Variants in TPST1 observed in about 807,000 individuals in gnomAD.
TPST1 encodes tyrosylprotein sulfotransferase 1.
In TPST1, 20 loss-of-function variants were observed where a neutral mutation model predicts 34.8. That is an observed-to-expected ratio of 0.57 (90% CI 0.40 to 0.84). The LOEUF is 0.84. TPST1 is among the 40% of genes least tolerant of loss of function. The pLI, the probability that TPST1 is intolerant of heterozygous loss-of-function variation, is 0.00. For missense variants in TPST1, 353 were observed against 455.5 expected (o/e 0.78, Z 2.05); for synonymous variants, 152 against 159.4 (o/e 0.95, Z 0.35).
chr7:66,315,584 A>G (rs997939331), intron 3 of TPST1, among the ~76,000 whole-genome samples: 10 of 152,200 alleles, frequency 6.6e-5, no homozygotes, highest in Non-Finnish European at 1.5e-4. Context: ...ACTAGCTAAG[A>G]TTTTATTAAT....
intron 3 of TPST1, among the ~76,000 whole-genome samples, chr7:66,304,783 A>G (rs1228947543): frequency 6.6e-6 from 1 of 151,880 alleles, no homozygotes; most frequent in Non-Finnish European, 1.5e-5. Flanking sequence ...TTGATATCCT[A>G]AAACTTACAT....
At chr7:66,338,165 C>T (rs1432042105) in intron 3 of TPST1, among the ~76,000 whole-genome samples, 1 of 151,530 alleles carries the variant, frequency 6.6e-6, no homozygotes, top group African/African-American at 2.4e-5. Flanking sequence ...CAAATGGAAA[C>T]CAAAAAAGAG....
intron 2 of TPST1, among the ~76,000 whole-genome samples, chr7:66,244,175 G>A (rs1231473997): frequency 2.0e-5 from 3 of 151,756 alleles, no homozygotes; most frequent in South Asian, 2.1e-4. Flanking sequence ...GGATGGTCTC[G>A]ATCTCCTGAC....
chr7:66,235,038 A>G (rs909946453), intron 1 of TPST1, among the ~76,000 whole-genome samples: 1 of 152,098 alleles, frequency 6.6e-6, no homozygotes, highest in Non-Finnish European at 1.5e-5. Context: ...TTATTGTATA[A>G]TAGGATCGAC....
intron 2 of TPST1, among the ~76,000 whole-genome samples, chr7:66,256,258 CTTCTAT>C (rs899555182): frequency 2.6e-5 from 4 of 152,122 alleles, no homozygotes; most frequent in Non-Finnish European, 5.9e-5. Flanking sequence ...AAGAATTTCT[CTTCTAT>C]TTCTAGTTCA....
chr7:66,305,181 G>A (rs930691125), intron 3 of TPST1, among the ~76,000 whole-genome samples: 35 of 152,148 alleles, frequency 2.3e-4, no homozygotes, highest in African/African-American at 8.0e-4. Flanking sequence ...AAAAGAATTC[G>A]TTAATATATT....
At chr7:66,272,721 G>C (rs1584196136) in intron 2 of TPST1, among the ~76,000 whole-genome samples, 1 of 151,814 alleles carries the variant, frequency 6.6e-6, no homozygotes, top group African/African-American at 2.4e-5. Flanking sequence ...CAAGTAGCTG[G>C]GACTACAGGC....
intron 3 of TPST1, among the ~76,000 whole-genome samples, chr7:66,350,267 C>T (rs2161064): frequency 0.13 from 19,857 of 152,094 alleles, 1,718 homozygotes; most frequent in South Asian, 0.2. Flanking sequence ...TGCCCGCCTT[C>T]GCCTCCCAAA....
At chr7:66,323,500 T>C (rs1252963319) in intron 3 of TPST1, among the ~76,000 whole-genome samples, 1 of 152,260 alleles carries the variant, frequency 6.6e-6, no homozygotes, top group Admixed American at 6.5e-5. Context: ...TTTATTATTA[T>C]GTATTACACT....
chr7:66,278,434 C>T (rs1199696334), intron 2 of TPST1, among the ~76,000 whole-genome samples: 1 of 152,036 alleles, frequency 6.6e-6, no homozygotes, highest in Non-Finnish European at 1.5e-5. Flanking sequence ...TATTAGACTT[C>T]TGAGTGAAGA....
chr7:66,237,653 C>A (rs1400323703), intron 1 of TPST1, among the ~76,000 whole-genome samples: 1 of 152,074 alleles, frequency 6.6e-6, no homozygotes, highest in Non-Finnish European at 1.5e-5. Flanking sequence ...GGCTGCTTTG[C>A]TAGTGGGTTG....
intron 3 of TPST1, among the ~76,000 whole-genome samples, chr7:66,315,557 G>T (rs1347209366): frequency 6.6e-6 from 1 of 152,172 alleles, no homozygotes; most frequent in Non-Finnish European, 1.5e-5. Flanking sequence ...TTGTGGGAAT[G>T]GTAGTATAAC....
intron 1 of TPST1, among the ~76,000 whole-genome samples, chr7:66,218,433 G>A (rs1163351960): frequency 6.6e-6 from 1 of 152,146 alleles, no homozygotes; most frequent in African/African-American, 2.4e-5. Context: ...AAATGTATGA[G>A]TAAGAATTTT....
At chr7:66,299,120 C>G (rs1030904247) in intron 3 of TPST1, among the ~76,000 whole-genome samples, 1 of 103,134 alleles carries the variant, frequency 9.7e-6, no homozygotes, top group East Asian at 2.4e-4. Flanking sequence ...AGCGAGACAC[C>G]GTCTCAAAAA....
intron 5 of TPST1, 106 bp downstream of exon 5, chr7:66,356,977 G>T: frequency 2.7e-6 from 3 of 1,104,282 alleles, no homozygotes; most frequent in Non-Finnish European, 4.0e-6. Flanking sequence ...CGTCTGCCAG[G>T]GTTGGAATCC....
intron 3 of TPST1, among the ~76,000 whole-genome samples, chr7:66,330,813 G>T (rs1791981970): frequency 6.6e-6 from 1 of 152,114 alleles, no homozygotes; most frequent in Non-Finnish European, 1.5e-5. Context: ...CCACATTTTT[G>T]GTATGTGTGA....
At chr7:66,293,406 G>A (rs570943210) in intron 3 of TPST1, among the ~76,000 whole-genome samples, 1 of 152,270 alleles carries the variant, frequency 6.6e-6, no homozygotes, top group Non-Finnish European at 1.5e-5. Flanking sequence ...GGGAGGCTGA[G>A]GTGGGAGGAT....
intron 3 of TPST1, among the ~76,000 whole-genome samples, chr7:66,325,476 A>G (rs1296299695): frequency 2.0e-5 from 3 of 151,818 alleles, no homozygotes; most frequent in African/African-American, 7.3e-5. Context: ...GTTTTTAACA[A>G]TTTTTTTAAG....
chr7:66,356,298 T>C (rs1792580591), intron 4 of TPST1, among the ~76,000 whole-genome samples: 1 of 152,212 alleles, frequency 6.6e-6, no homozygotes, highest in Non-Finnish European at 1.5e-5. Context: ...AGAGCTTCTG[T>C]GCCTCCTCCC....
Sources: allele counts gnomAD v4.1 joint callset (sites outside exome capture counted in the v4.1 genomes callset), GRCh38; gene constraint gnomAD v4.1.1; transcripts MANE v1.5; gene names NCBI Gene and HGNC (gene_info 2026-07-23, HGNC 2026-07-21).